The following CREB5 variants were observed in gnomAD, a reference collection of about 807,000 sequenced individuals.
The protein encoded by CREB5 is cyclic AMP-responsive element-binding protein 5.
In CREB5, 19 loss-of-function variants were observed where a neutral mutation model predicts 57.1. The observed-to-expected ratio is 0.33, with a 90% CI of 0.23 to 0.49. The LOEUF is 0.49. Among genes scored for constraint, CREB5 ranks in the 20% least tolerant of loss-of-function variants. The pLI is 0.99. For missense variants in CREB5, 579 were observed against 671.6 expected, an observed-to-expected ratio of 0.86 and a Z score of 1.52; for synonymous variants, 238 against 238.3, an observed-to-expected ratio of 1.00 and a Z score of 0.01.
At chr7:28,795,039 T>A (rs369283835) in intron 7 of CREB5, among the ~76,000 whole-genome samples, 1 of 152,204 alleles carries the variant, frequency 6.6e-6, no homozygotes, top group East Asian at 1.9e-4. Flanking sequence ...CCTGGACTTG[T>A]ATGGCTCACA....
intron 1 of CREB5, among the ~76,000 whole-genome samples, chr7:28,427,594 C>T (rs1220465700): frequency 6.6e-6 from 1 of 151,956 alleles, no homozygotes; most frequent in Non-Finnish European, 1.5e-5. Context: ...TCTATCTCTG[C>T]CCTTCCTCCT....
chr7:28,579,893 G>A (rs1289417745), intron 5 of CREB5, among the ~76,000 whole-genome samples: 1 of 152,150 alleles, frequency 6.6e-6, no homozygotes, highest in Non-Finnish European at 1.5e-5. Flanking sequence ...GCATTTGACC[G>A]ACTCTCAGGG....
intron 1 of CREB5, among the ~76,000 whole-genome samples, chr7:28,378,160 A>G (rs2127995346): frequency 6.6e-6 from 1 of 152,224 alleles, no homozygotes; most frequent in East Asian, 1.9e-4. Flanking sequence ...CTGAAATTGT[A>G]AACAAAATTT....
intron 7 of CREB5, among the ~76,000 whole-genome samples, chr7:28,727,506 AGTC>A (rs1803391517): frequency 6.6e-6 from 1 of 152,208 alleles, no homozygotes; most frequent in Non-Finnish European, 1.5e-5. Context: ...ACACATTTCC[AGTC>A]TCTATAGCAT....
At chr7:28,709,140 T>C (rs937557021) in intron 5 of CREB5, among the ~76,000 whole-genome samples, 4 of 152,222 alleles carry the variant, frequency 2.6e-5, no homozygotes, top group Admixed American at 6.5e-5. Context: ...ACTTGCCTTT[T>C]CTAAGTGTAA....
At chr7:28,345,851 G>A (rs761093027) in intron 1 of CREB5, among the ~76,000 whole-genome samples, 26 of 152,248 alleles carry the variant, frequency 1.7e-4, no homozygotes, top group Non-Finnish European at 3.8e-4. Context: ...TGGAGCTCAG[G>A]AACACAGGGA....
At chr7:28,466,312 T>TCA (rs1462764784) in intron 1 of CREB5, among the ~76,000 whole-genome samples, 2 of 149,638 alleles carry the variant, frequency 1.3e-5, no homozygotes, top group Non-Finnish European at 3.0e-5. Flanking sequence ...GTCCTATCTC[T>TCA]CATCTGCTGC....
chr7:28,666,429 T>C (rs949872134), intron 5 of CREB5, among the ~76,000 whole-genome samples: 12 of 152,224 alleles, frequency 7.9e-5, no homozygotes, highest in Admixed American at 7.9e-4. Flanking sequence ...CAGTGGGTAG[T>C]TCCCTGACTT....
chr7:28,698,900 G>A (rs554304027), intron 5 of CREB5, among the ~76,000 whole-genome samples: 16 of 152,174 alleles, frequency 1.1e-4, no homozygotes, highest in Non-Finnish European at 1.9e-4. Flanking sequence ...GGTGCACATC[G>A]TCTGTATTCA....
In CREB5 at chr7:28,696,783, CATACGT is replaced by C. The variant is rs537823201; in HGVS notation, c.465-21954_465-21949del. Among the ~76,000 whole-genome samples the C allele has an allele frequency of 2.0e-3, 299 of 148,362 alleles. 1 individual carries two copies. Among genetic ancestry groups the C allele is most frequent in the African/African-American group, 6.4e-3 (246 of 38,150 alleles). On this transcript the variant is annotated intron_variant, in intron 5 of 10. Transcript: ENST00000357727. The stretch of plus-strand genomic sequence containing the variant: ...ATACACACATATACATATATATACA[CATACGT>C]ATACGTATACGTATATATACACATA...
intron 1 of CREB5, among the ~76,000 whole-genome samples, chr7:28,321,229 T>G (rs1282872346): frequency 6.6e-6 from 1 of 152,190 alleles, no homozygotes; most frequent in Non-Finnish European, 1.5e-5. Flanking sequence ...TCTTTTTTTT[T>G]GTACCCTTCA....
intron 1 of CREB5, among the ~76,000 whole-genome samples, chr7:28,393,797 G>A (rs1176732711): frequency 6.6e-6 from 1 of 152,156 alleles, no homozygotes; most frequent in Non-Finnish European, 1.5e-5. Context: ...ACTTGGGACT[G>A]GGCGCGGTGG....
chr7:28,339,013 A>C (rs1009037321), intron 1 of CREB5, among the ~76,000 whole-genome samples: 1 of 152,020 alleles, frequency 6.6e-6, no homozygotes, highest in African/African-American at 2.4e-5. Flanking sequence ...TAGGATTCTG[A>C]ATTCCTTCTC....
chr7:28,653,070 T>C (rs1347502937), intron 5 of CREB5, among the ~76,000 whole-genome samples: 2 of 152,204 alleles, frequency 1.3e-5, no homozygotes, highest in Non-Finnish European at 2.9e-5. Flanking sequence ...ACAAGTTGTG[T>C]GTGATTCGGC....
At chr7:28,695,852 A>G (rs1043445789) in intron 5 of CREB5, among the ~76,000 whole-genome samples, 1 of 152,132 alleles carries the variant, frequency 6.6e-6, no homozygotes, top group African/African-American at 2.4e-5. Flanking sequence ...TTAGACCACA[A>G]TTCCCAAACA....
At chr7:28,455,066 G>GT (rs977614192) in intron 1 of CREB5, among the ~76,000 whole-genome samples, 3 of 152,206 alleles carry the variant, frequency 2.0e-5, no homozygotes, top group Admixed American at 2.0e-4. Flanking sequence ...AATGAACAGA[G>GT]TTTTTTAAAA....
At chr7:28,455,769 A>G (rs2128571433) in intron 1 of CREB5, among the ~76,000 whole-genome samples, 1 of 152,282 alleles carries the variant, frequency 6.6e-6, no homozygotes, top group South Asian at 2.1e-4. Flanking sequence ...TAAAGGAGGA[A>G]TGAGAGAGGG....
intron 5 of CREB5, among the ~76,000 whole-genome samples, chr7:28,704,853 T>A (rs1802028987): frequency 6.6e-6 from 1 of 152,056 alleles, no homozygotes; most frequent in East Asian, 1.9e-4. Flanking sequence ...TGTGTGTGCA[T>A]GAGGAAACAG....
chr7:28,613,042 T>C lies in CREB5; in HGVS notation c.464+42505T>C, dbSNP rs533256792. 5.2e-4 allele frequency among the ~76,000 whole-genome samples: 79 copies of C among 152,286 alleles called. No individual in the cohort carries two copies. In the South Asian group the frequency reaches 0.016, roughly 32 times the overall value. ...TACCCAGGGGACTAGTGTATCTGAT[T>C]GGACGTCCACTGTAGTATGTCCTAA... On this transcript the variant is annotated intron_variant, in intron 5 of 10. Coordinates refer to ENST00000357727, the MANE Select transcript of CREB5 (RefSeq NM_182898.4).
Sources: gnomAD v4.1 joint callset for allele counts (sites outside exome capture counted in the v4.1 genomes callset) on GRCh38, gnomAD v4.1.1 for gene constraint, MANE v1.5 for transcripts, NCBI Gene and HGNC (gene_info 2026-07-23, HGNC 2026-07-21) for gene names.